Variants in DNAH11 observed in about 807,000 individuals in gnomAD.
DNAH11 encodes dynein axonemal heavy chain 11.
Under a neutral mutation model 526.0 loss-of-function variants are expected in DNAH11, and 442 were observed. The ratio of observed to expected loss-of-function variants is 0.84; its 90% CI spans 0.78 to 0.91. The LOEUF is 0.91. Among genes scored for constraint, DNAH11 ranks in the 40% least tolerant of loss-of-function variants. The pLI, the probability that DNAH11 is intolerant of heterozygous loss-of-function variation, is 0.00. For synonymous variants in DNAH11, 2,461 were observed against 1,935.9 expected, an observed-to-expected ratio of 1.27 and a Z score of -7.12; for missense variants, 6,989 against 5,448.7, an observed-to-expected ratio of 1.28 and a Z score of -8.90.
Position 21,861,876 on chromosome 7 carries a change from A to T in DNAH11, c.11226A>T (p.Arg3742Ser), listed in dbSNP as rs771542468. 6.2e-7 allele frequency: 1 copy of T among 1,613,296 alleles called. No homozygotes were observed. The highest frequency in any genetic ancestry group is 2.2e-5 in the East Asian group (1 of 44,834). Residue 3742 changes from arginine to serine, a missense_variant, in exon 69 of 82, where the codon AGA (arginine) becomes AGT (serine). Arg to Ser is a moderately radical substitution (Grantham distance 110, BLOSUM62 -1). Transcript: ENST00000409508. ...SLKAFNVLFH[R>S]AIEQADKVED... ...AGGCTTTTAACGTGCTGTTCCACAG[A>T]GCGATCGAGCAGGCTGACAAGGTGG...
chr7:21,887,446 G>C (rs1045135468), intron 76 of DNAH11, among the ~76,000 whole-genome samples: 2 of 152,150 alleles, frequency 1.3e-5, no homozygotes, highest in Non-Finnish European at 2.9e-5. Flanking sequence ...TAGTAATATA[G>C]AATAACAAGA....
At chr7:21,642,870 G>A (rs1402700952) in intron 28 of DNAH11, among the ~76,000 whole-genome samples, 1 of 151,988 alleles carries the variant, frequency 6.6e-6, no homozygotes, top group Non-Finnish European at 1.5e-5. Flanking sequence ...TACAAGAGTT[G>A]GAATGACAGA....
intron 33 of DNAH11, 28 bp from the exon 34 acceptor site, chr7:21,687,354 A>G: frequency 6.3e-7 from 1 of 1,591,714 alleles, no homozygotes; most frequent in Non-Finnish European, 8.6e-7. Flanking sequence ...CTTCTGTTAA[A>G]TTCTGAGTGC....
intron 65 of DNAH11, among the ~76,000 whole-genome samples, chr7:21,818,955 T>C (rs1221638841): frequency 6.6e-6 from 1 of 152,078 alleles, no homozygotes; most frequent in African/African-American, 2.4e-5. Context: ...ACAATATACT[T>C]TCCAGAACAT....
chr7:21,834,191 A>G (rs1157085353), intron 65 of DNAH11, among the ~76,000 whole-genome samples: 1 of 152,232 alleles, frequency 6.6e-6, no homozygotes, highest in Non-Finnish European at 1.5e-5. Context: ...CTAGAAATCA[A>G]TAACAGGAGA....
rs770028370 is a variant in DNAH11, at chr7:21,900,008, T to C, written c.13191T>C (p.Asn4397=). 2 of 1,613,758 alleles carry C rather than the reference T, an allele frequency of 1.2e-6. No homozygotes were observed. The highest frequency in any genetic ancestry group is 8.5e-7 in the Non-Finnish European group (1 of 1,179,826). ...TAIMQTMARK[N]EWPLDKTRLT... ...TCATGCAGACGATGGCTCGAAAAAA[T>C]GAGTGGCCCCTGGATAAAACGCGCT... The change falls in exon 81 of 82, where the codon AAT becomes AAC. Residue 4397 remains asparagine, a synonymous_variant. Transcript: ENST00000409508.
At chr7:21,594,198 C>T (rs1784791296) in intron 14 of DNAH11, among the ~76,000 whole-genome samples, 1 of 152,064 alleles carries the variant, frequency 6.6e-6, no homozygotes, top group Non-Finnish European at 1.5e-5. Context: ...TGAATTTTCT[C>T]ATGTGTAAAA....
chr7:21,689,413 CCTT>C (rs1479693346), intron 34 of DNAH11, among the ~76,000 whole-genome samples: 2 of 152,178 alleles, frequency 1.3e-5, no homozygotes, highest in African/African-American at 4.8e-5. Context: ...CAGCTCTGCT[CCTT>C]CTTGACTTCA....
intron 25 of DNAH11, among the ~76,000 whole-genome samples, chr7:21,623,057 G>C (rs1184788720): frequency 2.0e-5 from 3 of 151,592 alleles, no homozygotes; most frequent in East Asian, 1.9e-4. Flanking sequence ...GAAAATTTTC[G>C]CAACCTACTC....
intron 50 of DNAH11, 33 bp from the exon 51 acceptor site, chr7:21,744,837 A>C (rs1786071654): frequency 3.2e-6 from 5 of 1,580,780 alleles, no homozygotes; most frequent in Admixed American, 3.7e-5. Context: ...TGGATGGTTG[A>C]CATGCCATAT....
intron 54 of DNAH11, among the ~76,000 whole-genome samples, chr7:21,764,927 A>C (rs1263576584): frequency 6.6e-6 from 1 of 152,216 alleles, no homozygotes; most frequent in Non-Finnish European, 1.5e-5. Flanking sequence ...TAAAAATCTG[A>C]AGCGGAAGCT....
At chr7:21,763,350 A>G (rs369095594) in intron 54 of DNAH11, among the ~76,000 whole-genome samples, 4 of 69,190 alleles carry the variant, frequency 5.8e-5, no homozygotes, top group Admixed American at 1.4e-4. Context: ...AAAAAAAAAA[A>G]AAAAAAGAAA....
intron 52 of DNAH11, 107 bp from the exon 53 acceptor site, chr7:21,749,571 C>T: frequency 7.0e-7 from 1 of 1,436,264 alleles, no homozygotes; most frequent in African/African-American, 1.4e-5. Flanking sequence ...AGGCACCCCA[C>T]AGTGCTATGG....
At chr7:21,549,071 G>T (rs945767793) in intron 2 of DNAH11, among the ~76,000 whole-genome samples, 1 of 152,032 alleles carries the variant, frequency 6.6e-6, no homozygotes, top group Non-Finnish European at 1.5e-5. Flanking sequence ...TAGAGACAGG[G>T]TTTCGCCATG....
chr7:21,641,940 T>G (rs1327015168), intron 28 of DNAH11, among the ~76,000 whole-genome samples: 2 of 152,214 alleles, frequency 1.3e-5, no homozygotes, highest in South Asian at 2.1e-4. Context: ...AATGTTAAAA[T>G]CATAGCGTAG....
rs529711852 is a variant in DNAH11 at position 21,552,139 on chromosome 7, C to T, written c.496-6663C>T. On this transcript the variant is annotated intron_variant, in intron 2 of 81. Transcript: ENST00000409508. ...AGGTTTGAATGAGCACCCCAAGGGC[C>T]GCGCCCTGGTCCATTGTCACATACA... Among the ~76,000 whole-genome samples, 61 of 152,102 alleles carry T rather than the reference C, an allele frequency of 4.0e-4. 1 individual carries two copies. The highest frequency in any genetic ancestry group is 3.9e-3 in the Admixed American group (60 of 15,266).
chr7:21,585,134 C>T (rs1450000134), intron 9 of DNAH11, among the ~76,000 whole-genome samples: 3 of 151,934 alleles, frequency 2.0e-5, no homozygotes, highest in African/African-American at 4.8e-5. Flanking sequence ...GACCTGTTTA[C>T]TGAACAAATA....
At chr7:21,752,981 G>A (rs1786477506) in intron 54 of DNAH11, among the ~76,000 whole-genome samples, 1 of 152,184 alleles carries the variant, frequency 6.6e-6, no homozygotes, top group Admixed American at 6.5e-5. Flanking sequence ...AAAGTGCTGG[G>A]ATTACAGGCA....
At chr7:21,787,725 A>G (rs1788253752) in intron 60 of DNAH11, 142 bp downstream of exon 60, 4 of 658,006 alleles carry the variant, frequency 6.1e-6, no homozygotes, top group Non-Finnish European at 9.2e-6. Flanking sequence ...AGACATGAGC[A>G]TGTTAGAGTA....
Sources: allele counts gnomAD v4.1 joint callset (sites outside exome capture counted in the v4.1 genomes callset), GRCh38; gene constraint gnomAD v4.1.1; transcripts MANE v1.5; gene names NCBI Gene and HGNC (gene_info 2026-07-23, HGNC 2026-07-21).